Variants in LEO1 observed in about 807,000 individuals in gnomAD.
LEO1 encodes RNA polymerase-associated protein LEO1.
A neutral mutation model predicts 80.4 loss-of-function variants in LEO1; 34 were observed. That is an observed-to-expected ratio of 0.42 (90% CI 0.32 to 0.56). The LOEUF (loss-of-function observed/expected upper bound fraction) is 0.56, where lower values mean the gene tolerates loss of function less well. LEO1 is among the 20% of genes least tolerant of loss of function. The probability of loss-of-function intolerance (pLI) is 0.10; values close to 1 mark genes in which losing one functional copy is unlikely to be tolerated. For synonymous variants in LEO1, 262 were observed against 274.9 expected (o/e 0.95, Z 0.46); for missense variants, 631 against 814.2 (o/e 0.77, Z 2.74).
At chr15:51,950,018 T>G in intron 9 of LEO1, 24 bp from the exon 10 acceptor site, 1 of 1,586,550 alleles carries the variant, frequency 6.3e-7, no homozygotes, top group Non-Finnish European at 8.6e-7. Flanking sequence ...AATAACCTCT[T>G]TAACCTAAAA....
intron 10 of LEO1, among the ~76,000 whole-genome samples, chr15:51,947,910 C>T (rs556931775): frequency 6.6e-6 from 1 of 152,232 alleles, no homozygotes; most frequent in African/African-American, 2.4e-5. Flanking sequence ...AATACAAAAA[C>T]CTGACCACTT....
intron 6 of LEO1, among the ~76,000 whole-genome samples, chr15:51,956,183 C>A (rs1478136545): frequency 6.6e-6 from 1 of 151,996 alleles, no homozygotes; most frequent in East Asian, 1.9e-4. Context: ...TTTGGGAGGC[C>A]GAGGCAGGCA....
chr15:51,956,265 C>T (rs2141763937), intron 6 of LEO1, among the ~76,000 whole-genome samples: 2 of 152,002 alleles, frequency 1.3e-5, no homozygotes, highest in South Asian at 2.1e-4. Flanking sequence ...TAAAAATATA[C>T]AAAAATTACC....
chr15:51,958,805 A>C lies in LEO1; in HGVS notation c.1182T>G (p.Tyr394Ter). 1 of 1,590,034 alleles carries C rather than the reference A, an allele frequency of 6.3e-7. No homozygotes were observed. The highest frequency in any genetic ancestry group is 8.6e-7 in the Non-Finnish European group (1 of 1,165,264). Residue 394 changes from tyrosine to a stop codon, truncating the protein, a stop_gained, in exon 6 of 12, where the codon TAT (tyrosine) becomes TAG (stop). Transcript: ENST00000299601. LOFTEE classifies it high-confidence loss of function. ...TTTCTTCATCTTCAAATTCATCTTCATAATACTGAGGATCAAAAGGTCTAC... is the reference window on the plus strand; with the variant it reads ...TTTCTTCATCTTCAAATTCATCTTCCTAATACTGAGGATCAAAAGGTCTAC... ...VEPRPFDPQYYEDEFEDEEML... is the reference protein window; with the variant it reads ...VEPRPFDPQY
chr15:51,942,535 A>C (rs933338621), intron 11 of LEO1, among the ~76,000 whole-genome samples: 2 of 152,222 alleles, frequency 1.3e-5, no homozygotes, highest in Non-Finnish European at 2.9e-5. Flanking sequence ...ATCTGCTTAG[A>C]TGAGGACTCA....
rs372424330 is a variant in LEO1 at position 51,950,014 on chromosome 15, C to T, written c.1612-20G>A. On this transcript the variant is annotated intron_variant, in intron 9 of 11. Coordinates refer to ENST00000299601, the MANE Select transcript of LEO1 (RefSeq NM_138792.4). ...TTCTTTCTGTAAAGAAGCAAATAAC[C>T]TCTTTAACCTAAAAAGGAGCTACTT... is the stretch of plus-strand genomic sequence containing the variant. 2.2e-5 allele frequency: 35 copies of T among 1,588,900 alleles called. No individual in the cohort carries two copies. Among genetic ancestry groups the T allele is most frequent in the Non-Finnish European group, 2.8e-5 (33 of 1,169,418 alleles).
Position 51,954,504 on chromosome 15 carries a change from C to G in LEO1, c.1317G>C (p.Arg439=), listed in dbSNP as rs2056973016. ...EGNEIKESNA[R]IVKWSDGSMS... ...ACCTTCCATCTGACCACTTGACTAT[C>G]CGAGCATTGCTTTCTTTAATTTCAT... is the stretch of plus-strand genomic sequence containing the variant. Residue 439 remains arginine, a synonymous_variant, in exon 7 of 12, where the codon CGG becomes CGC. Coordinates refer to ENST00000299601, the MANE Select transcript of LEO1 (RefSeq NM_138792.4). 2.5e-6 allele frequency: 4 copies of G among 1,613,418 alleles called. No individual in the cohort carries two copies. The African/African-American group carries it at 4.0e-5, about 16-fold the overall frequency.
chr15:51,958,818 T>C lies in LEO1; in HGVS notation c.1169A>G (p.Asp390Gly). ...NFLSVEPRPF[D>G]PQYYEDEFED... is the part of the protein sequence containing the mutation. ...AAATTCATCTTCATAATACTGAGGA[T>C]CAAAAGGTCTACAAATTGTTTTCCA... Residue 390 changes from aspartate (D) to glycine (G), a missense_variant, in exon 6 of 12, where the codon GAT becomes GGT. By Grantham distance (94) the Asp-to-Gly change is moderately conservative. This residue lies in a region of LEO1 where 95 missense variants were observed against 171.7 expected (regional missense o/e 0.55). Transcript: ENST00000299601. The C allele has an allele frequency of 6.4e-7, 1 of 1,562,804 alleles. No individual in the cohort carries two copies. Among genetic ancestry groups the C allele is most frequent in the Non-Finnish European group, 8.7e-7 (1 of 1,145,990 alleles).
Position 51,960,020 on chromosome 15 carries a change from G to C in LEO1, c.1039C>G (p.Gln347Glu). The C allele has an allele frequency of 6.2e-7, 1 of 1,613,170 alleles. No homozygotes were observed. The highest frequency in any genetic ancestry group is 2.2e-5 in the East Asian group (1 of 44,832). Residue 347 changes from glutamine to glutamate, a missense_variant, in exon 5 of 12, where the codon CAA becomes GAA. Around this residue, in one of 4 missense-constraint regions of LEO1, gnomAD observed 95 missense variants for 171.7 expected, o/e 0.55. Coordinates refer to ENST00000299601, the MANE Select transcript of LEO1 (RefSeq NM_138792.4). Reference protein sequence around the residue: ...PVDENGLPQDQQEEEPIPETR... With the variant: ...PVDENGLPQDEQEEEPIPETR... ...TCAGGAATTGGCTCCTCTTCCTGTT[G>C]ATCCTGAGGCAATCCATTTTCATCC...
chr15:51,954,903 C>A, intron 6 of LEO1: 1 of 182,402 alleles, frequency 5.5e-6, no homozygotes, highest in Non-Finnish European at 1.1e-5. Context: ...AAGGGTCAGG[C>A]GATAAAACTT....
intron 11 of LEO1, among the ~76,000 whole-genome samples, chr15:51,941,098 A>C (rs2056848440): frequency 6.6e-6 from 1 of 151,940 alleles, no homozygotes; most frequent in Non-Finnish European, 1.5e-5. Flanking sequence ...CAAATAAATA[A>C]ATAAATAAGC....
chr15:51,946,959 G>A, intron 11 of LEO1: 1 of 259,276 alleles, frequency 3.9e-6, no homozygotes, highest in South Asian at 5.2e-5. Context: ...ATTAGCCTTG[G>A]TATGTCAGGG....
Position 51,963,824 on chromosome 15 carries a change from C to A in LEO1, c.815-1331G>T, listed in dbSNP as rs537888939. Among the ~76,000 whole-genome samples the A allele has an allele frequency of 2.0e-5, 3 of 150,888 alleles. No homozygotes were observed. In the South Asian group the frequency reaches 6.3e-4, roughly 32 times the overall value. On this transcript the variant is annotated intron_variant, in intron 2 of 11. Coordinates refer to ENST00000299601, the MANE Select transcript of LEO1 (RefSeq NM_138792.4). ...AGCTGAGGCAGAAGAATTGCTTGAA[C>A]CCAGGAGGTGGAGATTGCAGTGAGC... is the stretch of plus-strand genomic sequence containing the variant.
rs143527162 is a variant in LEO1, at chr15:51,965,913, G to C, written c.650C>G (p.Pro217Arg). 26 of 1,613,914 alleles carry C rather than the reference G, an allele frequency of 1.6e-5. No individual in the cohort carries two copies. The highest frequency in any genetic ancestry group is 2.2e-5 in the Non-Finnish European group (26 of 1,179,958). The change falls in exon 2 of 12, where the codon CCG becomes CGG. Residue 217 changes from proline (P) to arginine (R), a missense_variant. By Grantham distance (103) the Pro-to-Arg change is moderately radical. Transcript: ENST00000299601. ...CTCATCATCATTATCAGAAGCTACCGGCCGTTCATCATCAGAATTAGCCTT... is the reference window on the plus strand; with the variant it reads ...CTCATCATCATTATCAGAAGCTACCCGCCGTTCATCATCAGAATTAGCCTT... ...EEKANSDDER[P>R]VASDNDDEKQ...
chr15:51,968,091 G>T (rs746532157), intron 1 of LEO1, among the ~76,000 whole-genome samples: 4 of 152,128 alleles, frequency 2.6e-5, no homozygotes, highest in Non-Finnish European at 4.4e-5. Context: ...GCTGAGGCAG[G>T]ACAATCGCTT....
chr15:51,950,973 C>A (rs1425149515), intron 9 of LEO1, among the ~76,000 whole-genome samples: 1 of 152,200 alleles, frequency 6.6e-6, no homozygotes, highest in African/African-American at 2.4e-5. Context: ...AAGCAAATGC[C>A]GCTATATACC....
chr15:51,960,716 C>A lies in LEO1; in HGVS notation c.937G>T (p.Asp313Tyr). ...ATATCATCTGCACCTCCAAATAAAT[C>A]CATGGTTCCACTATTATCTTCAATG... is the stretch of plus-strand genomic sequence containing the variant. ...EVPKDNSGTM[D>Y]LFGGADDISS... The change falls in exon 4 of 12, where the codon GAT (aspartate) becomes TAT (tyrosine). Residue 313 changes from aspartate to tyrosine, a missense_variant. Asp to Tyr is a radical substitution (Grantham distance 160). Coordinates refer to ENST00000299601, the MANE Select transcript of LEO1 (RefSeq NM_138792.4). The A allele has an allele frequency of 6.2e-7, 1 of 1,606,490 alleles. No homozygotes were observed. The highest frequency in any genetic ancestry group is 8.5e-7 in the Non-Finnish European group (1 of 1,173,028).
In LEO1 at chr15:51,954,547, C is replaced by T. The variant is rs750538875; in HGVS notation, c.1274G>A (p.Arg425His). Residue 425 changes from arginine (R) to histidine (H), a missense_variant, in exon 7 of 12, where the codon CGC becomes CAC. This residue lies in a region of LEO1 where 95 missense variants were observed against 171.7 expected (regional missense o/e 0.55). Coordinates refer to ENST00000299601, the MANE Select transcript of LEO1 (RefSeq NM_138792.4). ...AATTTCATTTCCTTCTTCATCTCGGCGTATCCTCCATCTTATAGTATTTTC... is the reference window on the plus strand; with the variant it reads ...AATTTCATTTCCTTCTTCATCTCGGTGTATCCTCCATCTTATAGTATTTTC... ...KVENTIRWRIRRDEEGNEIKE... is the reference protein window; with the variant it reads ...KVENTIRWRIHRDEEGNEIKE... 7.4e-5 allele frequency: 120 copies of T among 1,612,436 alleles called. No homozygotes were observed. The Admixed American group carries it at 1.9e-3, about 26-fold the overall frequency.
intron 2 of LEO1, among the ~76,000 whole-genome samples, chr15:51,965,408 G>A (rs1450414840): frequency 1.3e-5 from 2 of 152,094 alleles, no homozygotes; most frequent in African/African-American, 4.8e-5. Flanking sequence ...TCTCTCACAT[G>A]AGGCATGCTC....
Sources: allele counts gnomAD v4.1 joint callset (sites outside exome capture counted in the v4.1 genomes callset), GRCh38; gene constraint gnomAD v4.1.1; regional missense constraint gnomAD v4.1.1; transcripts MANE v1.5; gene names NCBI Gene and HGNC (gene_info 2026-07-23, HGNC 2026-07-21).